MAF: variants seen among roughly 807,000 people sequenced by gnomAD.
MAF encodes transcription factor Maf.
A neutral mutation model predicts 22.0 loss-of-function variants in MAF; 10 were observed. The ratio of observed to expected loss-of-function variants is 0.45; its 90% CI spans 0.28 to 0.77. MAF has a LOEUF of 0.77. MAF is among the 30% of genes least tolerant of loss of function. The pLI, the probability that MAF is intolerant of heterozygous loss-of-function variation, is 0.12. For synonymous variants in MAF, 337 were observed against 255.8 expected, an observed-to-expected ratio of 1.32 and a Z score of -3.03; for missense variants, 544 against 548.4, an observed-to-expected ratio of 0.99 and a Z score of 0.08.
chr16:79,361,559 G>C, the MAF span, among the ~76,000 whole-genome samples: 1 of 152,134 alleles, frequency 6.6e-6, no homozygotes, highest in Non-Finnish European at 1.5e-5. Flanking sequence ...GGCTGCCTGG[G>C]AACATTACAC....
the MAF span, among the ~76,000 whole-genome samples, chr16:79,343,040 T>C: frequency 6.6e-6 from 1 of 152,218 alleles, no homozygotes; most frequent in Non-Finnish European, 1.5e-5. Flanking sequence ...CACTACCTGA[T>C]AGTCACCTCA....
At chr16:79,574,247 T>C in the MAF span, among the ~76,000 whole-genome samples, 1 of 152,210 alleles carries the variant, frequency 6.6e-6, no homozygotes, top group Admixed American at 6.5e-5. Flanking sequence ...ATCAAGTATC[T>C]TGGTTAATTC....
chr16:79,231,167 G>T, the MAF span, among the ~76,000 whole-genome samples: 1 of 151,972 alleles, frequency 6.6e-6, no homozygotes, highest in African/African-American at 2.4e-5. Context: ...TGTGAAATCT[G>T]GGGACCAGGA....
chr16:79,526,302 G>C, the MAF span, among the ~76,000 whole-genome samples: 1 of 152,168 alleles, frequency 6.6e-6, no homozygotes, highest in Non-Finnish European at 1.5e-5. Flanking sequence ...CTCATAAGGA[G>C]ACCACAACCT....
At chr16:79,477,402 G>C in the MAF span, among the ~76,000 whole-genome samples, 1 of 152,160 alleles carries the variant, frequency 6.6e-6, no homozygotes, top group Non-Finnish European at 1.5e-5. Flanking sequence ...ACAGAATAAA[G>C]AAGGCCAGCC....
the MAF span, among the ~76,000 whole-genome samples, chr16:79,378,885 A>G: frequency 1.3e-5 from 2 of 152,218 alleles, no homozygotes; most frequent in African/African-American, 4.8e-5. Context: ...TCTTCAGCTT[A>G]AAGTCTCAGA....
chr16:79,552,440 C>G, the MAF span, among the ~76,000 whole-genome samples: 4 of 152,192 alleles, frequency 2.6e-5, no homozygotes, highest in East Asian at 3.9e-4. Context: ...AACTCCTGGT[C>G]TCAAGCAATC....
chr16:79,296,806 G>A, the MAF span, among the ~76,000 whole-genome samples: 2 of 152,038 alleles, frequency 1.3e-5, no homozygotes, highest in African/African-American at 2.4e-5. Flanking sequence ...AGACCACCTA[G>A]CATTACCCTC....
the MAF span, among the ~76,000 whole-genome samples, chr16:79,389,892 C>A: frequency 7.6e-6 from 1 of 131,998 alleles, no homozygotes; most frequent in Non-Finnish European, 1.5e-5. Flanking sequence ...AGGAGAATGG[C>A]GTGAACCTGG....
chr16:79,569,155 T>C, the MAF span, among the ~76,000 whole-genome samples: 1 of 152,092 alleles, frequency 6.6e-6, no homozygotes, highest in Non-Finnish European at 1.5e-5. Flanking sequence ...TAAACCAGAG[T>C]TTCTCAGTCC....
the MAF span, among the ~76,000 whole-genome samples, chr16:79,337,744 CT>C: frequency 2.6e-5 from 4 of 152,184 alleles, no homozygotes; most frequent in Non-Finnish European, 4.4e-5. Context: ...CACCTTATCT[CT>C]TTCTCAGCAT....
intron 1 of MAF, chr16:79,594,817 G>C: frequency 7.9e-7 from 1 of 1,260,560 alleles, no homozygotes; most frequent in South Asian, 1.9e-5. Flanking sequence ...TTCTCTTACA[G>C]CCAGCCACTC....
the MAF span, among the ~76,000 whole-genome samples, chr16:79,427,132 AG>A: frequency 1.3e-5 from 2 of 152,240 alleles, no homozygotes; most frequent in Non-Finnish European, 2.9e-5. Context: ...GGAAACTCTT[AG>A]GAAATTATCC....
At chr16:79,458,109 AGTGT>A in the MAF span, among the ~76,000 whole-genome samples, 2,555 of 136,412 alleles carry the variant, frequency 0.019, 63 homozygotes, top group African/African-American at 0.052. Context: ...GGTATGTATA[AGTGT>A]GTGTGTGTGT....
At chr16:79,352,908 GA>G in the MAF span, among the ~76,000 whole-genome samples, 2 of 152,158 alleles carry the variant, frequency 1.3e-5, no homozygotes, top group African/African-American at 4.8e-5. Flanking sequence ...AATAGATGGA[GA>G]ATCAAGTGGG....
the MAF span, among the ~76,000 whole-genome samples, chr16:79,377,152 T>C: frequency 6.6e-6 from 1 of 152,172 alleles, no homozygotes; most frequent in South Asian, 2.1e-4. Context: ...GGTGTAAAAG[T>C]GTTCCTATTT....
At chr16:79,358,285 C>A in the MAF span, among the ~76,000 whole-genome samples, 74 of 152,270 alleles carry the variant, frequency 4.9e-4, no homozygotes, top group African/African-American at 1.7e-3. Context: ...TTCCTCGACC[C>A]CAGCAGGCTA....
At chr16:79,323,904 G>T in the MAF span, among the ~76,000 whole-genome samples, 5 of 152,180 alleles carry the variant, frequency 3.3e-5, no homozygotes, top group East Asian at 9.6e-4. Context: ...ATTGCCTACG[G>T]CGGGGTCAGA....
At chr16:79,466,851 A>G in the MAF span, among the ~76,000 whole-genome samples, 2 of 152,206 alleles carry the variant, frequency 1.3e-5, no homozygotes, top group African/African-American at 4.8e-5. Context: ...CGCGACACCA[A>G]AGTGATAGCT....
Sources: allele counts gnomAD v4.1 joint callset (sites outside exome capture counted in the v4.1 genomes callset), GRCh38; gene constraint gnomAD v4.1.1; transcripts MANE v1.5; gene names NCBI Gene and HGNC (gene_info 2026-07-23, HGNC 2026-07-21).